CCSER1: variants seen among roughly 807,000 people sequenced by gnomAD.
CCSER1 encodes serine-rich coiled-coil domain-containing protein 1.
In CCSER1, 41 loss-of-function variants were observed where a neutral mutation model predicts 82.0. The ratio of observed to expected loss-of-function variants is 0.50; its 90% CI spans 0.39 to 0.65. The LOEUF (loss-of-function observed/expected upper bound fraction) is 0.65, where lower values mean the gene tolerates loss of function less well. Among genes scored for constraint, CCSER1 ranks in the 30% least tolerant of loss-of-function variants. CCSER1 has a pLI of 0.00. For synonymous variants in CCSER1, 414 were observed against 383.9 expected, an observed-to-expected ratio of 1.08 and a Z score of -0.92; for missense variants, 1,119 against 1,064.2, an observed-to-expected ratio of 1.05 and a Z score of -0.72.
At chr4:90,482,334 A>G (rs904631506) in intron 5 of CCSER1, among the ~76,000 whole-genome samples, 5 of 151,496 alleles carry the variant, frequency 3.3e-5, no homozygotes, top group African/African-American at 1.2e-4. Context: ...TCCTGGATTC[A>G]TTGATTTTTT....
chr4:90,582,950 G>A (rs1187541976), intron 5 of CCSER1, among the ~76,000 whole-genome samples: 2 of 152,080 alleles, frequency 1.3e-5, no homozygotes, highest in African/African-American at 4.8e-5. Flanking sequence ...ATACTGATCT[G>A]TAATCTGAAG....
intron 1 of CCSER1, among the ~76,000 whole-genome samples, chr4:90,129,928 TA>T (rs951873960): frequency 2.9e-4 from 44 of 152,202 alleles, no homozygotes; most frequent in African/African-American, 1.1e-3. Flanking sequence ...AATAGGGAAT[TA>T]AAAAATGTAA....
chr4:91,182,236 A>C lies in CCSER1; in HGVS notation c.2217+96242A>C, dbSNP rs375910045. 3.0e-3 allele frequency among the ~76,000 whole-genome samples: 453 copies of C among 152,262 alleles called. 1 individual carries two copies. The highest frequency in any genetic ancestry group is 0.01 in the African/African-American group (427 of 41,538). On this transcript the variant is annotated intron_variant, in intron 10 of 10. Transcript: ENST00000509176. ...AGCATCTGGCTCATGATAAGTTTTC[A>C]GGTGTCTTGATGGTATCCAAATTGG... is the stretch of plus-strand genomic sequence containing the variant.
chr4:91,540,866 A>T (rs1335794138), intron 10 of CCSER1, among the ~76,000 whole-genome samples: 1 of 152,042 alleles, frequency 6.6e-6, no homozygotes, highest in African/African-American at 2.4e-5. Context: ...ATTTAAGTGG[A>T]TCTACTTAGG....
chr4:90,900,809 A>G (rs916424842), intron 8 of CCSER1, among the ~76,000 whole-genome samples: 4 of 151,780 alleles, frequency 2.6e-5, no homozygotes, highest in African/African-American at 9.7e-5. Flanking sequence ...TTTTTAGGTC[A>G]TTTGGTCAAG....
At chr4:90,841,363 G>A (rs566199635) in intron 8 of CCSER1, among the ~76,000 whole-genome samples, 17 of 151,926 alleles carry the variant, frequency 1.1e-4, no homozygotes, top group Non-Finnish European at 2.2e-4. Flanking sequence ...TAGATCACGA[G>A]GTGAGGAGAT....
intron 4 of CCSER1, among the ~76,000 whole-genome samples, chr4:90,444,762 A>G (rs1000541621): frequency 2.0e-5 from 3 of 152,070 alleles, no homozygotes; most frequent in Non-Finnish European, 4.4e-5. Flanking sequence ...CTCATGTTTT[A>G]TGTACATATA....
chr4:90,606,706 T>C (rs1231003588), intron 5 of CCSER1, among the ~76,000 whole-genome samples: 2 of 152,162 alleles, frequency 1.3e-5, no homozygotes, highest in Non-Finnish European at 2.9e-5. Context: ...TGGATAAAAT[T>C]ATATTTTGAC....
intron 10 of CCSER1, among the ~76,000 whole-genome samples, chr4:91,155,868 A>G (rs1171822554): frequency 2.6e-5 from 4 of 151,918 alleles, no homozygotes; most frequent in Admixed American, 6.6e-5. Flanking sequence ...GAACAAGACC[A>G]TATTTGGTTA....
intron 9 of CCSER1, among the ~76,000 whole-genome samples, chr4:90,980,303 AAG>A (rs1735994294): frequency 6.6e-6 from 1 of 151,784 alleles, no homozygotes; most frequent in Admixed American, 6.6e-5. Flanking sequence ...GCTCTGAGGC[AAG>A]AGAGTGTGCC....
At chr4:90,489,092 C>T (rs10031148) in intron 5 of CCSER1, among the ~76,000 whole-genome samples, 18,872 of 152,098 alleles carry the variant, frequency 0.12, 1,844 homozygotes, top group African/African-American at 0.27. Context: ...TATGGGTAGA[C>T]AGTTTTCCAA....
chr4:91,290,947 T>G (rs1743694289), intron 10 of CCSER1, among the ~76,000 whole-genome samples: 1 of 151,874 alleles, frequency 6.6e-6, no homozygotes, highest in Non-Finnish European at 1.5e-5. Flanking sequence ...AAATAATTAA[T>G]GAGCTAACTA....
chr4:90,564,885 C>G (rs1342334573), intron 5 of CCSER1, among the ~76,000 whole-genome samples: 1 of 151,848 alleles, frequency 6.6e-6, no homozygotes, highest in East Asian at 1.9e-4. Context: ...GACTATGTGT[C>G]TTTTAATGCC....
chr4:90,719,848 T>A (rs1391650770), intron 6 of CCSER1, among the ~76,000 whole-genome samples: 2 of 152,174 alleles, frequency 1.3e-5, no homozygotes, highest in African/African-American at 4.8e-5. Flanking sequence ...TGGAAGAAAG[T>A]CATTCAGTGT....
At chr4:91,129,240 C>A (rs1383574954) in intron 10 of CCSER1, among the ~76,000 whole-genome samples, 1 of 151,886 alleles carries the variant, frequency 6.6e-6, no homozygotes, top group East Asian at 1.9e-4. Flanking sequence ...TATCCCAAAA[C>A]TTAAAAATAA....
At chr4:91,354,649 C>A (rs938773976) in intron 10 of CCSER1, among the ~76,000 whole-genome samples, 11 of 152,120 alleles carry the variant, frequency 7.2e-5, no homozygotes, top group Admixed American at 7.2e-4. Context: ...CAATACTGTC[C>A]AATAATTGAG....
chr4:91,382,142 T>A (rs976325454), intron 10 of CCSER1, among the ~76,000 whole-genome samples: 2 of 152,190 alleles, frequency 1.3e-5, no homozygotes, highest in Non-Finnish European at 2.9e-5. Flanking sequence ...TGTACCCAGC[T>A]GTGTTCGGTG....
intron 1 of CCSER1, among the ~76,000 whole-genome samples, chr4:90,305,079 G>T (rs1271029896): frequency 6.6e-6 from 1 of 152,004 alleles, no homozygotes; most frequent in African/African-American, 2.4e-5. Context: ...ACCATGCCTG[G>T]ATAATTTTTT....
intron 9 of CCSER1, among the ~76,000 whole-genome samples, chr4:91,014,917 T>C (rs186711150): frequency 3.6e-5 from 3 of 83,962 alleles, no homozygotes; most frequent in Admixed American, 1.2e-4. Flanking sequence ...AAGTTCAAGT[T>C]TGGAGAGAAT....
Sources: gnomAD v4.1 joint callset for allele counts (sites outside exome capture counted in the v4.1 genomes callset) on GRCh38, gnomAD v4.1.1 for gene constraint, MANE v1.5 for transcripts, NCBI Gene and HGNC (gene_info 2026-07-23, HGNC 2026-07-21) for gene names.